The following DOCK6 variants were observed in gnomAD, a reference collection of about 807,000 sequenced individuals.
DOCK6 encodes dedicator of cytokinesis 6, also known as dedicator of cytokinesis protein 6.
DOCK6 carries 167 observed loss-of-function variants against 230.3 expected under a neutral mutation model. The observed-to-expected ratio is 0.73, with a 90% CI of 0.64 to 0.82. The LOEUF is 0.82. Ranked by LOEUF, DOCK6 falls within the 40% of genes least tolerant of loss-of-function variation. The pLI is 0.00. For synonymous variants in DOCK6, 1,148 were observed against 1,185.0 expected (o/e 0.97, Z 0.64); for missense variants, 2,598 against 2,825.8 (o/e 0.92, Z 1.83).
intron 24 of DOCK6, among the ~76,000 whole-genome samples, chr19:11,224,218 T>TTTCTTTCTTTCTTTC (rs1568236243): frequency 3.0e-5 from 3 of 101,496 alleles, no homozygotes; most frequent in East Asian, 3.7e-4. Context: ...TTCTTTCTTT[T>TTTCTTTCTTTCTTTC]TTTTTTTTTT....
intron 37 of DOCK6, among the ~76,000 whole-genome samples, chr19:11,210,060 C>T (rs2147734566): frequency 6.8e-6 from 1 of 147,914 alleles, no homozygotes; most frequent in African/African-American, 2.5e-5. Context: ...ACCTGTCCAT[C>T]CCTTCACTTG....
intron 1 of DOCK6, among the ~76,000 whole-genome samples, chr19:11,257,664 C>T (rs771366065): frequency 6.6e-6 from 1 of 151,924 alleles, no homozygotes. Context: ...TGGCACATGC[C>T]GGTAATCTCA....
chr19:11,254,626 G>A (rs892669407), intron 1 of DOCK6, among the ~76,000 whole-genome samples: 3 of 151,398 alleles, frequency 2.0e-5, no homozygotes, highest in African/African-American at 7.3e-5. Flanking sequence ...AGGTTGCAAT[G>A]AGTCGAGATC....
At chr19:11,207,466 G>A (rs1056856708) in intron 39 of DOCK6, among the ~76,000 whole-genome samples, 2 of 152,016 alleles carry the variant, frequency 1.3e-5, no homozygotes, top group Non-Finnish European at 2.9e-5. Flanking sequence ...AAAGTGCTGG[G>A]ATTACAGGCA....
chr19:11,226,673 A>C (rs1200701313), intron 24 of DOCK6, among the ~76,000 whole-genome samples: 1 of 152,166 alleles, frequency 6.6e-6, no homozygotes, highest in Non-Finnish European at 1.5e-5. Context: ...AAAAAACAAC[A>C]ACAAAAAAAT....
intron 18 of DOCK6, 191 bp from the exon 19 acceptor site, chr19:11,237,070 CA>C (rs2079860727): frequency 1.6e-6 from 1 of 608,574 alleles, no homozygotes; most frequent in South Asian, 2.0e-5. Context: ...ATCCACATGC[CA>C]AGACGGGGGC....
intron 30 of DOCK6, 163 bp from the exon 31 acceptor site, chr19:11,216,090 ATT>A: frequency 1.2e-4 from 72 of 621,248 alleles, no homozygotes; most frequent in East Asian, 1.6e-4. Context: ...CAAAAAAAAA[ATT>A]TTTTTTTTTT....
At chr19:11,233,118 C>T (rs1174044486) in intron 22 of DOCK6, 85 bp downstream of exon 22, 1 of 1,511,724 alleles carries the variant, frequency 6.6e-7, no homozygotes, top group Non-Finnish European at 8.9e-7. Context: ...TGTTGTTTCC[C>T]ATGCTTCATC....
At position 11,200,540 on chromosome 19, in the gene DOCK6, C is replaced by T; in HGVS notation, c.5940-71G>A. The T allele has an allele frequency of 1.9e-6, 3 of 1,565,386 alleles. No individual in the cohort carries two copies. The highest frequency in any genetic ancestry group is 1.2e-5 in the South Asian group (1 of 85,690). ...CTGAAAGCAAGACTAGGGGTGGGGGCACCCATAAGGCGGGACCAGGCCTGC... is the reference window on the plus strand; with the variant it reads ...CTGAAAGCAAGACTAGGGGTGGGGGTACCCATAAGGCGGGACCAGGCCTGC... On this transcript the variant is annotated intron_variant, in intron 46 of 47. Coordinates refer to ENST00000294618, the MANE Select transcript of DOCK6 (RefSeq NM_020812.4). This position sits in a 1 kb window ranked among gnomAD's most constrained non-coding sequence, Gnocchi z 4.3.
intron 14 of DOCK6, among the ~76,000 whole-genome samples, chr19:11,241,238 C>CA (rs59955877): frequency 5.4e-3 from 653 of 121,078 alleles, no homozygotes; most frequent in South Asian, 0.01. Context: ...GAGAGAGACT[C>CA]AAAAAAAAAA....
chr19:11,217,242 C>G lies in DOCK6; in HGVS notation c.3700G>C (p.Gly1234Arg), dbSNP rs2079505509. The G allele has an allele frequency of 5.6e-6, 9 of 1,612,636 alleles. No homozygotes were observed. The highest frequency in any genetic ancestry group is 7.6e-6 in the Non-Finnish European group (9 of 1,179,464). The change falls in exon 29 of 48, where the codon GGG becomes CGG. Residue 1234 changes from glycine (G) to arginine (R), a missense_variant. Gly to Arg is a moderately radical substitution (Grantham distance 125). Transcript: ENST00000294618. ...APGSRASISQ[G>R]PPTASRAGCA... ...GCCTCCCTACTCACCGTTGGTGGCC[C>G]CTGGGAGATGCTGGCCCGGGAGCCA...
intron 37 of DOCK6, among the ~76,000 whole-genome samples, chr19:11,209,964 C>T (rs188870191): frequency 9.0e-5 from 12 of 132,728 alleles, no homozygotes; most frequent in Non-Finnish European, 1.8e-4. Flanking sequence ...CTCACCTGCC[C>T]GCCCTCACCT....
At chr19:11,217,477 C>T in intron 28 of DOCK6, 86 bp from the exon 29 acceptor site, 1 of 1,517,232 alleles carries the variant, frequency 6.6e-7, no homozygotes, top group South Asian at 1.2e-5. Context: ...TCCCTCATGG[C>T]CAGGCACAGT....
intron 6 of DOCK6, among the ~76,000 whole-genome samples, chr19:11,250,523 T>C (rs1359214627): frequency 6.6e-6 from 1 of 151,948 alleles, no homozygotes; most frequent in Non-Finnish European, 1.5e-5. Context: ...CCATGTTGGC[T>C]GGTCTTGAAC....
intron 3 of DOCK6, 41 bp from the exon 4 acceptor site, chr19:11,252,591 C>G (rs746977558): frequency 6.2e-7 from 1 of 1,612,704 alleles, no homozygotes; most frequent in South Asian, 1.1e-5. Context: ...GACAAGGCCT[C>G]TGTGAATCCT....
At chr19:11,231,090 GC>G (rs1000037382) in intron 22 of DOCK6, among the ~76,000 whole-genome samples, 4 of 151,984 alleles carry the variant, frequency 2.6e-5, no homozygotes, top group Admixed American at 6.6e-5. Context: ...CTGCCCAAAG[GC>G]CCCCCCTGCT....
intron 1 of DOCK6, among the ~76,000 whole-genome samples, chr19:11,259,556 C>CTTTTTTTTTTTTTTT (rs756965986): frequency 8.7e-5 from 9 of 103,642 alleles, no homozygotes; most frequent in Admixed American, 1.2e-4. Context: ...TATTTCTTTT[C>CTTTTTTTTTTTTTTT]TTTTTTTTTT....
rs2079923977 is a variant in DOCK6, at chr19:11,240,359, C to T, written c.1643+1686G>A. The T allele has an allele frequency of 7.6e-6, 11 of 1,450,654 alleles. No homozygotes were observed. The South Asian group carries it at 1.4e-4, about 19-fold the overall frequency. 89.9% of individuals were successfully genotyped at this position (1,450,654 alleles called of 1,614,324 possible). A position where few individuals can be genotyped will look rare whatever the true frequency, so the allele number is the denominator to read the frequency against. On this transcript the variant is annotated intron_variant, in intron 14 of 47. Transcript: ENST00000294618. ...GATTTCCGGCCAGAACTCGCTTCTG[C>T]ACCTTGAGTCCCAAAGACCTCCCAG...
Position 11,202,600 on chromosome 19 carries a change from A to C in DOCK6, c.5345T>G (p.Ile1782Ser). The change falls in exon 42 of 48, where the codon ATC becomes AGC. Residue 1782 changes from isoleucine (I) to serine (S), a missense_variant. Transcript: ENST00000294618. The surrounding 1 kb of genome is among the most constrained non-coding windows in gnomAD (Gnocchi z 5.3). Reference protein sequence around the residue: ...KEPSITKLAEISHRLEEFYTE... With the variant: ...KEPSITKLAESSHRLEEFYTE... Reference sequence around the variant, plus strand: ...AGGACGTGCCTCCAGCCGGTGTGAGATCTCTGCCAGCTTCGTGATCGATGG... The same window carrying C: ...AGGACGTGCCTCCAGCCGGTGTGAGCTCTCTGCCAGCTTCGTGATCGATGG... 1 of 1,613,890 alleles carries C rather than the reference A, an allele frequency of 6.2e-7. No homozygotes were observed. Among genetic ancestry groups the C allele is most frequent in the Non-Finnish European group, 8.5e-7 (1 of 1,179,870 alleles).
Sources: allele counts gnomAD v4.1 joint callset (sites outside exome capture counted in the v4.1 genomes callset), GRCh38; gene constraint gnomAD v4.1.1; non-coding constraint Gnocchi (gnomAD v3.1); transcripts MANE v1.5; gene names NCBI Gene and HGNC (gene_info 2026-07-23, HGNC 2026-07-21).